The following COL25A1 variants were observed in gnomAD, a reference collection of about 807,000 sequenced individuals.
COL25A1 encodes collagen type XXV alpha 1 chain, also known as collagen alpha-1(XXV) chain.
COL25A1 carries 103 observed loss-of-function variants against 128.4 expected under a neutral mutation model. The ratio of observed to expected loss-of-function variants is 0.80; its 90% CI spans 0.68 to 0.94. The LOEUF (loss-of-function observed/expected upper bound fraction) is 0.94. COL25A1 is among the 40% of genes least tolerant of loss of function. COL25A1 has a pLI of 0.00. For missense variants in COL25A1, 745 were observed against 840.0 expected (o/e 0.89, Z 1.40); for synonymous variants, 279 against 277.2 (o/e 1.01, Z -0.06).
intron 3 of COL25A1, among the ~76,000 whole-genome samples, chr4:109,098,750 A>G (rs137878120): frequency 6.6e-6 from 1 of 152,360 alleles, no homozygotes; most frequent in Non-Finnish European, 1.5e-5. Flanking sequence ...AAGAAGATAA[A>G]GAACAAAATG....
At chr4:108,997,688 C>A (rs1048049676) in intron 6 of COL25A1, among the ~76,000 whole-genome samples, 1 of 152,156 alleles carries the variant, frequency 6.6e-6, no homozygotes, top group Non-Finnish European at 1.5e-5. Context: ...GAATTTTAGG[C>A]CAATATACCT....
intron 3 of COL25A1, among the ~76,000 whole-genome samples, chr4:109,138,929 G>C (rs1410803448): frequency 6.6e-6 from 1 of 152,080 alleles, no homozygotes; most frequent in African/African-American, 2.4e-5. Context: ...GGATGGTCTT[G>C]ATCTCCTGAC....
At chr4:109,213,936 T>C (rs1449696901) in intron 3 of COL25A1, among the ~76,000 whole-genome samples, 3 of 152,046 alleles carry the variant, frequency 2.0e-5, no homozygotes, top group Non-Finnish European at 2.9e-5. Flanking sequence ...ATAGTAAAAA[T>C]AGTGCCCCTG....
chr4:109,110,211 G>C (rs751669445), intron 3 of COL25A1, among the ~76,000 whole-genome samples: 26 of 152,084 alleles, frequency 1.7e-4, no homozygotes, highest in Non-Finnish European at 3.2e-4. Context: ...GAGACAACCA[G>C]GTGCTCCCAA....
At chr4:108,886,486 G>GTTTTTT (rs1199944880) in intron 18 of COL25A1, among the ~76,000 whole-genome samples, 3 of 79,910 alleles carry the variant, frequency 3.8e-5, no homozygotes, top group African/African-American at 1.3e-4. Context: ...GTGTGTGTGT[G>GTTTTTT]TGTGTGTTTA....
intron 5 of COL25A1, chr4:109,022,276 C>G (rs1757849018): frequency 1.5e-5 from 6 of 413,006 alleles, no homozygotes; most frequent in Non-Finnish European, 1.9e-5. Context: ...TAGAAAGAAC[C>G]TACACTGAAA....
intron 3 of COL25A1, among the ~76,000 whole-genome samples, chr4:109,086,085 C>T (rs138495930): frequency 1.5e-3 from 230 of 152,308 alleles, no homozygotes; most frequent in African/African-American, 5.2e-3. Flanking sequence ...CAAATAGCAA[C>T]TTGCCAAAGA....
At chr4:109,246,622 AT>A (rs1224225947) in intron 3 of COL25A1, among the ~76,000 whole-genome samples, 1 of 152,122 alleles carries the variant, frequency 6.6e-6, no homozygotes, top group Non-Finnish European at 1.5e-5. Context: ...AATTTTATAA[AT>A]ATTTTAGAAT....
rs183141422 is a variant in COL25A1 at position 109,046,074 on chromosome 4, T to C, written c.420+2094A>G. ...AACTGAATCGATTTGAAATCAGACA[T>C]ATCTAATTGAATTTCAACTTTGCAA... On this transcript the variant is annotated intron_variant, in intron 5 of 37. Coordinates refer to ENST00000399132, the MANE Select transcript of COL25A1 (RefSeq NM_198721.4). 1.4e-4 allele frequency among the ~76,000 whole-genome samples: 22 copies of C among 152,310 alleles called. No homozygotes were observed. In the East Asian group the frequency reaches 2.5e-3, roughly 17 times the overall value.
At chr4:109,039,692 T>C (rs1408976544) in intron 5 of COL25A1, among the ~76,000 whole-genome samples, 2 of 152,234 alleles carry the variant, frequency 1.3e-5, no homozygotes, top group Non-Finnish European at 2.9e-5. Flanking sequence ...AGTCACGTCT[T>C]ATTTGCCATT....
chr4:108,813,661 A>G lies in COL25A1; in HGVS notation c.*266T>C, dbSNP rs1472498811. On this transcript the variant is annotated 3_prime_UTR_variant, in exon 38 of 38. Transcript: ENST00000399132. ...CTAGTACAATCAATCATTCTCTACC[A>G]CTGATTTGTCCATATAAATACGTAT... 1 of 387,654 alleles carries G rather than the reference A, an allele frequency of 2.6e-6. No individual in the cohort carries two copies. The highest frequency in any genetic ancestry group is 4.2e-5 in the East Asian group (1 of 24,084). The allele number at this position is 387,654 out of a possible 1,614,324, so 24.0% of individuals were successfully genotyped here. A position where few individuals can be genotyped will look rare whatever the true frequency, so the allele number is the denominator to read the frequency against.
chr4:109,249,807 G>C (rs1244201750), intron 3 of COL25A1, among the ~76,000 whole-genome samples: 1 of 152,118 alleles, frequency 6.6e-6, no homozygotes, highest in Non-Finnish European at 1.5e-5. Flanking sequence ...GTGTTAGCAA[G>C]GAAATTGGGT....
intron 13 of COL25A1, among the ~76,000 whole-genome samples, chr4:108,912,901 C>T (rs987624221): frequency 5.3e-5 from 8 of 152,192 alleles, no homozygotes; most frequent in Admixed American, 3.3e-4. Flanking sequence ...AATGTCATAA[C>T]TATAAACTAA....
intron 8 of COL25A1, among the ~76,000 whole-genome samples, chr4:108,963,421 T>C (rs7699726): frequency 0.31 from 46,391 of 152,038 alleles, 7,654 homozygotes; most frequent in South Asian, 0.46. Context: ...AAAGTATAAA[T>C]TGGATTTTTT....
chr4:109,288,407 A>G (rs1262425522), intron 3 of COL25A1, among the ~76,000 whole-genome samples: 1 of 152,140 alleles, frequency 6.6e-6, no homozygotes, highest in African/African-American at 2.4e-5. Flanking sequence ...ACTCACAAAT[A>G]TTTTCTTTTC....
chr4:109,143,503 C>G (rs529239863), intron 3 of COL25A1, among the ~76,000 whole-genome samples: 4 of 152,262 alleles, frequency 2.6e-5, no homozygotes, highest in Admixed American at 2.6e-4. Flanking sequence ...AGAGTGTCTT[C>G]CAACTTGATT....
intron 3 of COL25A1, among the ~76,000 whole-genome samples, chr4:109,192,289 G>A (rs1775683529): frequency 6.6e-6 from 1 of 152,154 alleles, no homozygotes; most frequent in African/African-American, 2.4e-5. Context: ...CAGTAATTGT[G>A]TGTAGTAAAG....
chr4:109,190,557 T>C (rs1775522946), intron 3 of COL25A1, among the ~76,000 whole-genome samples: 1 of 152,048 alleles, frequency 6.6e-6, no homozygotes, highest in Admixed American at 6.6e-5. Flanking sequence ...AGGTGAGAGA[T>C]TGAGGTTGTA....
intron 5 of COL25A1, among the ~76,000 whole-genome samples, chr4:109,047,726 CTCTT>C (rs1329569313): frequency 1.1e-5 from 1 of 95,062 alleles, no homozygotes; most frequent in Non-Finnish European, 1.9e-5. Flanking sequence ...TTTAAGTATA[CTCTT>C]TTTTTTTTTT....
Sources: allele counts gnomAD v4.1 joint callset (sites outside exome capture counted in the v4.1 genomes callset), GRCh38; gene constraint gnomAD v4.1.1; transcripts MANE v1.5; gene names NCBI Gene and HGNC (gene_info 2026-07-23, HGNC 2026-07-21).